Variants in AGGF1 observed in about 807,000 individuals in gnomAD.
The protein encoded by AGGF1 is angiogenic factor with G patch and FHA domains 1.
Under a neutral mutation model 86.5 loss-of-function variants are expected in AGGF1, and 56 were observed. The observed-to-expected ratio is 0.65, with a 90% CI of 0.52 to 0.81. The LOEUF (loss-of-function observed/expected upper bound fraction) is 0.81, where lower values mean the gene tolerates loss of function less well. Among genes scored for constraint, AGGF1 ranks in the 30% least tolerant of loss-of-function variants. The pLI, the probability that AGGF1 is intolerant of heterozygous loss-of-function variation, is 0.00. For missense variants in AGGF1, 816 were observed against 850.9 expected (o/e 0.96, Z 0.51); for synonymous variants, 313 against 297.1 (o/e 1.05, Z -0.55).
Position 77,061,702 on chromosome 5 carries a change from GTGAA to G in AGGF1, c.1845_1848del (p.Glu616LeufsTer29). ...AACTATCATTTTAATATTCCTTAAA[GTGAA>G]ATTACTGATAGCAACAAAGGTCGGA... On this transcript the variant is annotated frameshift_variant and splice_region_variant, in exon 13 of 14. Transcript: ENST00000312916. LOFTEE classifies it high-confidence loss of function. The G allele has an allele frequency of 4.4e-6, 7 of 1,600,150 alleles. No homozygotes were observed. Among genetic ancestry groups the G allele is most frequent in the Non-Finnish European group, 6.0e-6 (7 of 1,170,376 alleles).
Position 77,046,431 on chromosome 5 carries a change from A to G in AGGF1, c.955A>G (p.Lys319Glu). ...EEENFANMKK[K>E]AKIGIHHKNS... ...AGAAAATTTCGCAAATATGAAAAAG[A>G]AGGCCAAAATAGGCATTCATCACAA... The change falls in exon 6 of 14, where the codon AAG (lysine) becomes GAG (glutamate). Residue 319 changes from lysine to glutamate, a missense_variant. Coordinates refer to ENST00000312916, the MANE Select transcript of AGGF1 (RefSeq NM_018046.5). The G allele has an allele frequency of 6.2e-7, 1 of 1,614,076 alleles. No homozygotes were observed. The highest frequency in any genetic ancestry group is 2.2e-5 in the East Asian group (1 of 44,868).
intron 9 of AGGF1, among the ~76,000 whole-genome samples, chr5:77,053,231 T>C (rs940963798): frequency 3.3e-5 from 5 of 152,186 alleles, no homozygotes; most frequent in Admixed American, 1.3e-4. Context: ...TAAGAAAATA[T>C]AGGGGCTGGG....
rs1489847573 is a variant in AGGF1 at position 77,063,932 on chromosome 5, T to C, written c.*680T>C. ...ATGAACAACTGAATACATATTGAAA[T>C]AGTGTGCTGGCTTTTGTAGTTTTGA... On this transcript the variant is annotated 3_prime_UTR_variant, in exon 14 of 14. Coordinates refer to ENST00000312916, the MANE Select transcript of AGGF1 (RefSeq NM_018046.5). The C allele has an allele frequency of 6.6e-6, 1 of 152,638 alleles. No individual in the cohort carries two copies. Among genetic ancestry groups the C allele is most frequent in the Non-Finnish European group, 1.5e-5 (1 of 68,076 alleles). The allele number at this position is 152,638 out of a possible 1,614,324, so 9.5% of individuals were successfully genotyped here. A position where few individuals can be genotyped will look rare whatever the true frequency, so the allele number is the denominator to read the frequency against.
rs1322694305 is a variant in AGGF1 at position 77,030,810 on chromosome 5, C to T, written c.44C>T (p.Pro15Leu). 26 of 1,605,130 alleles carry T rather than the reference C, an allele frequency of 1.6e-5. No individual in the cohort carries two copies. Among genetic ancestry groups the T allele is most frequent in the Non-Finnish European group, 2.0e-5 (24 of 1,177,996 alleles). ...APSPPRSPPPPTSPEPELAQL... is the reference protein window; with the variant it reads ...APSPPRSPPPLTSPEPELAQL... The stretch of plus-strand genomic sequence containing the variant: ...TCCCCGCCGCGGTCGCCGCCGCCGC[C>T]CACCTCCCCCGAGCCTGAGCTGGCC... Residue 15 changes from proline to leucine, a missense_variant, in exon 1 of 14, where the codon CCC (proline) becomes CTC (leucine). Pro to Leu is a moderately conservative substitution (Grantham distance 98, BLOSUM62 -3). This residue lies in a region of AGGF1 where 240 missense variants were observed against 234.4 expected (regional missense o/e 1.02). Coordinates refer to ENST00000312916, the MANE Select transcript of AGGF1 (RefSeq NM_018046.5).
intron 5 of AGGF1, among the ~76,000 whole-genome samples, chr5:77,042,511 C>A (rs1747119564): frequency 1.1e-5 from 1 of 87,832 alleles, no homozygotes; most frequent in Admixed American, 1.2e-4. Flanking sequence ...CCACCTCCCT[C>A]CCGGACGGGG....
At chr5:77,043,578 G>A (rs1278820239) in intron 5 of AGGF1, among the ~76,000 whole-genome samples, 54 of 119,128 alleles carry the variant, frequency 4.5e-4, no homozygotes, top group African/African-American at 1.4e-3. Context: ...CTGGCCAGGC[G>A]GGGGGCTGAC....
rs1014181283 is a variant in AGGF1 at position 77,048,858 on chromosome 5, GT to G, written c.1314-72del. The G allele has an allele frequency of 1.2e-5, 16 of 1,368,612 alleles. No homozygotes were observed. In the Admixed American group the frequency reaches 2.5e-4, roughly 22 times the overall value. The allele number at this position is 1,368,612 out of a possible 1,614,324, so 84.8% of individuals were successfully genotyped here. ...ATAGACGTGTATTTTAACATTATCT[GT>G]TTTTTAAAATTCTTTCCATGTCACT... On this transcript the variant is annotated intron_variant, in intron 7 of 13. Transcript: ENST00000312916.
chr5:77,059,926 C>G (rs1747525283), intron 12 of AGGF1, among the ~76,000 whole-genome samples, 183 bp downstream of exon 12: 1 of 152,208 alleles, frequency 6.6e-6, no homozygotes, highest in Admixed American at 6.5e-5. Context: ...ACTGCAACCT[C>G]CATCTCCCGG....
intron 8 of AGGF1, among the ~76,000 whole-genome samples, chr5:77,051,432 CAA>C (rs34184166): frequency 3.2e-4 from 36 of 110,882 alleles, no homozygotes; most frequent in East Asian, 4.6e-4. Context: ...GATTCCATCT[CAA>C]AAAAAAAAAA....
chr5:77,056,613 C>T (rs1747466420), intron 11 of AGGF1, among the ~76,000 whole-genome samples: 1 of 151,316 alleles, frequency 6.6e-6, no homozygotes, highest in African/African-American at 2.4e-5. Flanking sequence ...AATGTTGATC[C>T]ATACCTTGAA....
chr5:77,031,528 T>C (rs1342820544), intron 1 of AGGF1, among the ~76,000 whole-genome samples: 1 of 152,254 alleles, frequency 6.6e-6, no homozygotes, highest in African/African-American at 2.4e-5. Flanking sequence ...ACTGCTTTTG[T>C]TGGAGACGTT....
chr5:77,055,451 G>A (rs1747441506), intron 10 of AGGF1, 63 bp from the exon 11 acceptor site: 7 of 1,081,964 alleles, frequency 6.5e-6, no homozygotes, highest in Non-Finnish European at 9.8e-6. Flanking sequence ...AATAACATTA[G>A]TTTTAATTTT....
Position 77,030,912 on chromosome 5 carries a change from T to G in AGGF1, c.146T>G (p.Leu49Arg). Residue 49 changes from leucine to arginine, a missense_variant, in exon 1 of 14, where the codon CTG becomes CGG. Coordinates refer to ENST00000312916, the MANE Select transcript of AGGF1 (RefSeq NM_018046.5). ...CKRQVREIEK[L>R]LHHTERLYQN... ...CGGCAGGTGCGGGAGATCGAGAAGC[T>G]GCTGCATCACACAGAACGGCTGTAC... 1 of 1,613,374 alleles carries G rather than the reference T, an allele frequency of 6.2e-7. No individual in the cohort carries two copies. The highest frequency in any genetic ancestry group is 8.5e-7 in the Non-Finnish European group (1 of 1,179,994).
At chr5:77,055,283 A>G (rs913997005) in intron 10 of AGGF1, among the ~76,000 whole-genome samples, 5 of 152,268 alleles carry the variant, frequency 3.3e-5, no homozygotes, top group South Asian at 2.1e-4. Flanking sequence ...TTTGGTAGCT[A>G]TAAGATTCCT....
intron 8 of AGGF1, among the ~76,000 whole-genome samples, 196 bp downstream of exon 8, chr5:77,049,183 ATTATGT>A (rs979853781): frequency 3.9e-5 from 6 of 152,198 alleles, no homozygotes; most frequent in African/African-American, 1.2e-4. Context: ...AATAAATAAA[ATTATGT>A]TTATTTTTAA....
chr5:77,057,144 T>C (rs374239380), intron 11 of AGGF1, among the ~76,000 whole-genome samples: 2 of 152,240 alleles, frequency 1.3e-5, no homozygotes, highest in South Asian at 2.1e-4. Context: ...ACTAGAAATC[T>C]CATACACTGC....
intron 1 of AGGF1, among the ~76,000 whole-genome samples, chr5:77,032,133 C>A (rs1022856213): frequency 2.6e-5 from 4 of 151,366 alleles, no homozygotes; most frequent in Non-Finnish European, 5.9e-5. Flanking sequence ...TGTTGAGTTG[C>A]AATGACTTTG....
chr5:77,058,330 G>A (rs1747493572), intron 11 of AGGF1, among the ~76,000 whole-genome samples: 1 of 152,146 alleles, frequency 6.6e-6, no homozygotes, highest in Admixed American at 6.5e-5. Flanking sequence ...CTATTAAATT[G>A]TAGAGCTAGA....
At chr5:77,036,126 T>A (rs555605486) in intron 3 of AGGF1, 60 of 257,274 alleles carry the variant, frequency 2.3e-4, no homozygotes, top group African/African-American at 1.4e-3. Flanking sequence ...AAATTTGTTT[T>A]TATAGTTTGT....
Sources: allele counts gnomAD v4.1 joint callset (sites outside exome capture counted in the v4.1 genomes callset), GRCh38; gene constraint gnomAD v4.1.1; regional missense constraint gnomAD v4.1.1; transcripts MANE v1.5; gene names NCBI Gene and HGNC (gene_info 2026-07-23, HGNC 2026-07-21).